The following ANXA11 variants were observed in gnomAD, a reference collection of about 807,000 sequenced individuals.
ANXA11 encodes annexin A11, also known as 56 kDa autoantigen.
Under a neutral mutation model 64.7 loss-of-function variants are expected in ANXA11, and 57 were observed. The ratio of observed to expected loss-of-function variants is 0.88; its 90% CI spans 0.71 to 1.10. The LOEUF (loss-of-function observed/expected upper bound fraction) is 1.10, where lower values mean the gene tolerates loss of function less well. Among genes scored for constraint, ANXA11 ranks in the 50% least tolerant of loss-of-function variants. The pLI, the probability that ANXA11 is intolerant of heterozygous loss-of-function variation, is 0.00. For missense variants in ANXA11, 675 were observed against 670.7 expected (o/e 1.01, Z -0.07); for synonymous variants, 260 against 265.2 (o/e 0.98, Z 0.19).
chr10:80,197,609 T>C (rs751687463), intron 1 of ANXA11, among the ~76,000 whole-genome samples: 3 of 151,926 alleles, frequency 2.0e-5, no homozygotes, highest in Non-Finnish European at 2.9e-5. Context: ...AGAAGGGAAG[T>C]TGGGAGGAGG....
intron 1 of ANXA11, among the ~76,000 whole-genome samples, chr10:80,204,489 G>C (rs1840587759): frequency 6.6e-6 from 1 of 152,252 alleles, no homozygotes; most frequent in Non-Finnish European, 1.5e-5. Flanking sequence ...GCAGAGAACA[G>C]AGGGGAGAGC....
chr10:80,175,215 CAG>C (rs150902622), intron 2 of ANXA11, among the ~76,000 whole-genome samples: 1,799 of 152,316 alleles, frequency 0.012, 39 homozygotes, highest in African/African-American at 0.041. Flanking sequence ...GCCAAACCCT[CAG>C]ACTTCACTGG....
chr10:80,185,888 GGT>G (rs1416131941), intron 1 of ANXA11, among the ~76,000 whole-genome samples: 1 of 152,124 alleles, frequency 6.6e-6, no homozygotes, highest in East Asian at 1.9e-4. Flanking sequence ...TAGAAACACT[GGT>G]ATGATGAAAT....
intron 1 of ANXA11, among the ~76,000 whole-genome samples, chr10:80,188,480 C>CATATAT (rs71034291): frequency 0.023 from 2,318 of 100,448 alleles, 85 homozygotes; most frequent in East Asian, 0.14. Context: ...AGTATTCTCA[C>CATATAT]ATATATATAT....
intron 1 of ANXA11, chr10:80,195,742 G>A: frequency 6.1e-6 from 1 of 163,074 alleles, no homozygotes; most frequent in Non-Finnish European, 1.3e-5. Context: ...GTTCCACGTG[G>A]CTGGGGAGGC....
At chr10:80,171,150 A>C in intron 3 of ANXA11, 2 of 1,412,192 alleles carry the variant, frequency 1.4e-6, no homozygotes, top group Non-Finnish European at 9.3e-7. Flanking sequence ...TTCCCCAAAC[A>C]CTCCCAAGAC....
chr10:80,191,797 T>C (rs905026058), intron 1 of ANXA11, among the ~76,000 whole-genome samples: 3 of 152,120 alleles, frequency 2.0e-5, no homozygotes, highest in African/African-American at 7.2e-5. Context: ...GGCAGGGCCA[T>C]CACACCCCAT....
chr10:80,197,719 G>A (rs1327999373), intron 1 of ANXA11, among the ~76,000 whole-genome samples: 2 of 152,092 alleles, frequency 1.3e-5, no homozygotes, highest in Non-Finnish European at 2.9e-5. Context: ...TCAGGAGATC[G>A]AGACCATCCT....
At chr10:80,188,744 A>G (rs1266500121) in intron 1 of ANXA11, among the ~76,000 whole-genome samples, 2 of 152,142 alleles carry the variant, frequency 1.3e-5, no homozygotes, top group African/African-American at 4.8e-5. Context: ...CGCGCTTTGT[A>G]AAGCAGGACA....
At position 80,205,444 on chromosome 10, in the gene ANXA11, G is replaced by T. The variant is rs1589462774; in HGVS notation, c.-159C>A. On this transcript the variant is annotated 5_prime_UTR_variant, in exon 1 of 16. Coordinates refer to ENST00000422982, the MANE Select transcript of ANXA11 (RefSeq NM_145868.2). ...CGCGGCGCCTGGGTTCTGCCTAGGG[G>T]CTGGGTCCCACTCCCGCTCGCGGGG... is the stretch of plus-strand genomic sequence containing the variant. The T allele has an allele frequency of 6.7e-6, 1 of 149,132 alleles. No homozygotes were observed. 9.2% of individuals were successfully genotyped at this position (149,132 alleles called of 1,614,324 possible).
chr10:80,187,220 G>A (rs1846574361), intron 1 of ANXA11, among the ~76,000 whole-genome samples: 1 of 152,222 alleles, frequency 6.6e-6, no homozygotes, highest in African/African-American at 2.4e-5. Flanking sequence ...CCAGTGTGAT[G>A]ACATTTGGAG....
chr10:80,163,351 G>A lies in ANXA11; in HGVS notation c.1084C>T (p.Gln362Ter). The change falls in exon 11 of 16, where the codon CAG becomes TAG. Residue 362 changes from glutamine to a stop codon, truncating the protein, a stop_gained and splice_region_variant. Coordinates refer to ENST00000422982, the MANE Select transcript of ANXA11 (RefSeq NM_145868.2). LOFTEE classifies it high-confidence loss of function. ...AGGGGCTTGGCCATCACACTCACCTGGGCATCTCTCTGGGCGAGTGACATG... is the reference window on the plus strand; with the variant it reads ...AGGGGCTTGGCCATCACACTCACCTAGGCATCTCTCTGGGCGAGTGACATG... ...VDMSLAQRDA[Q>*]ELYAAGENRL... The A allele has an allele frequency of 6.2e-7, 1 of 1,613,174 alleles. No homozygotes were observed. The highest frequency in any genetic ancestry group is 1.1e-5 in the South Asian group (1 of 91,024).
chr10:80,183,345 G>A (rs1205248533), intron 1 of ANXA11, among the ~76,000 whole-genome samples: 1 of 152,232 alleles, frequency 6.6e-6, no homozygotes, highest in East Asian at 1.9e-4. Flanking sequence ...GACCTCACTT[G>A]ACCCATGGGC....
chr10:80,201,921 A>G lies in ANXA11; in HGVS notation c.-58+3422T>C, dbSNP rs186124243. Among the ~76,000 whole-genome samples, 4 of 152,174 alleles carry G rather than the reference A, an allele frequency of 2.6e-5. No homozygotes were observed. In the East Asian group the frequency reaches 5.8e-4, roughly 22 times the overall value. Reference sequence around the variant, plus strand: ...ATGTCCTCCAAGTCAGCCATCCCCAAGTGTGAGGGGCAGGGGACACCTGAC... The same window carrying G: ...ATGTCCTCCAAGTCAGCCATCCCCAGGTGTGAGGGGCAGGGGACACCTGAC... On this transcript the variant is annotated intron_variant, in intron 1 of 15. Coordinates refer to ENST00000422982, the MANE Select transcript of ANXA11 (RefSeq NM_145868.2).
rs1845987895 is a variant in ANXA11 at position 80,171,810 on chromosome 10, A to T, written c.56-895T>A. ...AGAGGCTGCTCAGCTGTGCTAGCAA[A>T]GGTGGCAGTGGCAGGATCTGGATGG... On this transcript the variant is annotated intron_variant, in intron 3 of 15. Coordinates refer to ENST00000422982, the MANE Select transcript of ANXA11 (RefSeq NM_145868.2). The T allele has an allele frequency of 6.1e-6, 6 of 985,512 alleles. No individual in the cohort carries two copies. In the South Asian group the frequency reaches 2.3e-4, roughly 39 times the overall value. The allele number at this position is 985,512 out of a possible 1,614,324, so 61.0% of individuals were successfully genotyped here.
Position 80,151,069 on chromosome 10 carries a change from C to T in ANXA11, c.*4784G>A, listed in dbSNP as rs1017300031. The T allele has an allele frequency of 1.3e-5, 2 of 152,162 alleles. No homozygotes were observed. The highest frequency in any genetic ancestry group is 2.4e-5 in the African/African-American group (1 of 41,438). The allele number at this position is 152,162 out of a possible 1,614,324, so 9.4% of individuals were successfully genotyped here. On this transcript the variant is annotated 3_prime_UTR_variant, in exon 16 of 16. Coordinates refer to ENST00000422982, the MANE Select transcript of ANXA11 (RefSeq NM_145868.2). ...CCACATTAAAGTTTTAGAAGCTCTC[C>T]TCTAGTCTACCCTTCATTTTAAAAA...
chr10:80,181,490 T>C (rs1162491629), intron 1 of ANXA11: 5 of 149,844 alleles, frequency 3.3e-5, no homozygotes, highest in Non-Finnish European at 5.9e-5. Flanking sequence ...ATAAATAAAA[T>C]AAAATGAAAG....
chr10:80,163,427 G>C, intron 10 of ANXA11, 22 bp from the exon 11 acceptor site: 1 of 1,614,044 alleles, frequency 6.2e-7, no homozygotes, highest in Non-Finnish European at 8.5e-7. Flanking sequence ...CAGGTGTATG[G>C]TCATGCCCAC....
At chr10:80,185,558 C>A (rs1302707793) in intron 1 of ANXA11, among the ~76,000 whole-genome samples, 1 of 152,240 alleles carries the variant, frequency 6.6e-6, no homozygotes. Context: ...GCCTGCTTAA[C>A]TCTATCCTCA....
Sources: gnomAD v4.1 joint callset for allele counts (sites outside exome capture counted in the v4.1 genomes callset) on GRCh38, gnomAD v4.1.1 for gene constraint, MANE v1.5 for transcripts, NCBI Gene and HGNC (gene_info 2026-07-23, HGNC 2026-07-21) for gene names.